The following GRXCR1 variants were observed in gnomAD, a reference collection of about 807,000 sequenced individuals.
GRXCR1 encodes glutaredoxin and cysteine rich domain containing 1.
A neutral mutation model predicts 27.3 loss-of-function variants in GRXCR1; 27 were observed. The ratio of observed to expected loss-of-function variants is 0.99; its 90% confidence interval spans 0.73 to 1.37. GRXCR1 has a LOEUF of 1.37. Among genes scored for constraint, GRXCR1 ranks in the 40% most tolerant of loss-of-function variants. GRXCR1 has a pLI of 0.00. For missense variants in GRXCR1, 379 were observed against 354.4 expected (o/e 1.07, Z -0.56); for synonymous variants, 122 against 131.1 (o/e 0.93, Z 0.47).
chr4:42,917,084 C>G (rs576781789), intron 1 of GRXCR1, among the ~76,000 whole-genome samples: 89 of 152,222 alleles, frequency 5.8e-4, no homozygotes, highest in Non-Finnish European at 8.1e-4. Flanking sequence ...AAAAAGAAGA[C>G]TGATATGAAG....
chr4:42,960,533 T>C (rs769950196), intron 1 of GRXCR1, among the ~76,000 whole-genome samples: 9 of 151,942 alleles, frequency 5.9e-5, no homozygotes, highest in Non-Finnish European at 1.0e-4. Context: ...ACTGATTTTT[T>C]CCACTGACTT....
intron 1 of GRXCR1, among the ~76,000 whole-genome samples, chr4:42,895,124 CTA>C (rs1746317948): frequency 6.6e-6 from 1 of 151,888 alleles, no homozygotes; most frequent in Non-Finnish European, 1.5e-5. Flanking sequence ...TTTCTTCTCC[CTA>C]TGTGTTTACT....
At chr4:43,006,292 T>C (rs1208720854) in intron 2 of GRXCR1, among the ~76,000 whole-genome samples, 2 of 152,128 alleles carry the variant, frequency 1.3e-5, no homozygotes, top group Non-Finnish European at 2.9e-5. Context: ...ATAAGAGCAA[T>C]TGTTCAGGGA....
rs766361572 is a variant in GRXCR1 at position 42,907,498 on chromosome 4, G to T, written c.384+13848G>T. On this transcript the variant is annotated intron_variant, in intron 1 of 3. Transcript: ENST00000399770. ...TCTACTCAATTAGGTGGCTCACATG[G>T]TTGCACTGTATTTTCAGTCCCTGTA... is the stretch of plus-strand genomic sequence containing the variant. Among the ~76,000 whole-genome samples the T allele has an allele frequency of 4.6e-5, 7 of 152,188 alleles. No homozygotes were observed. In the South Asian group the frequency reaches 1.5e-3, roughly 32 times the overall value.
chr4:42,981,286 T>C (rs1321081227), intron 2 of GRXCR1, among the ~76,000 whole-genome samples: 2 of 152,102 alleles, frequency 1.3e-5, no homozygotes, highest in African/African-American at 4.8e-5. Flanking sequence ...TATTTTAAAC[T>C]GAAAACAATT....
chr4:43,015,347 C>A (rs1231349541), intron 2 of GRXCR1, among the ~76,000 whole-genome samples: 1 of 151,820 alleles, frequency 6.6e-6, no homozygotes, highest in East Asian at 1.9e-4. Flanking sequence ...AAATAAATGG[C>A]AGGGAAGCAG....
At chr4:42,976,209 C>T (rs536333840) in intron 2 of GRXCR1, among the ~76,000 whole-genome samples, 9 of 152,008 alleles carry the variant, frequency 5.9e-5, no homozygotes, top group African/African-American at 1.9e-4. Flanking sequence ...AAGTATAAAG[C>T]GGTTCTGTTT....
chr4:42,981,002 G>A (rs146913039), intron 2 of GRXCR1, among the ~76,000 whole-genome samples: 25 of 150,926 alleles, frequency 1.7e-4, no homozygotes, highest in Non-Finnish European at 3.2e-4. Flanking sequence ...CTTTTTATTG[G>A]AGAATTGAAT....
intron 1 of GRXCR1, among the ~76,000 whole-genome samples, chr4:42,924,582 T>C (rs1747102494): frequency 6.6e-6 from 1 of 152,090 alleles, no homozygotes; most frequent in Non-Finnish European, 1.5e-5. Context: ...TCTTCTTTAC[T>C]TCTTTCCTTT....
intron 1 of GRXCR1, among the ~76,000 whole-genome samples, chr4:42,939,382 CA>C (rs1255888770): frequency 3.3e-5 from 5 of 152,136 alleles, no homozygotes; most frequent in Admixed American, 2.0e-4. Flanking sequence ...ATTTGTTTAT[CA>C]GTTCTTACCG....
chr4:42,906,362 G>A lies in GRXCR1; in HGVS notation c.384+12712G>A, dbSNP rs777269192. ...ACAGAAAGAAACTTCCCACCACAGC[G>A]CACTTGGCTTTATTTTTCTCTGCTG... On this transcript the variant is annotated intron_variant, in intron 1 of 3. Coordinates refer to ENST00000399770, the MANE Select transcript of GRXCR1 (RefSeq NM_001080476.3). Among the ~76,000 whole-genome samples, 7 of 152,206 alleles carry A rather than the reference G, an allele frequency of 4.6e-5. No homozygotes were observed. The East Asian group carries it at 5.8e-4, about 13-fold the overall frequency.
chr4:43,000,049 A>G (rs1233185847), intron 2 of GRXCR1, among the ~76,000 whole-genome samples: 1 of 152,228 alleles, frequency 6.6e-6, no homozygotes, highest in Non-Finnish European at 1.5e-5. Context: ...TAAGCAATTC[A>G]TAAATCTTAA....
chr4:42,978,166 T>C (rs1316859206), intron 2 of GRXCR1, among the ~76,000 whole-genome samples: 1 of 152,100 alleles, frequency 6.6e-6, no homozygotes, highest in Non-Finnish European at 1.5e-5. Context: ...TATGTATCAA[T>C]TTACTTGCCT....
chr4:42,949,552 T>C (rs1046393088), intron 1 of GRXCR1, among the ~76,000 whole-genome samples: 4 of 152,118 alleles, frequency 2.6e-5, no homozygotes, highest in African/African-American at 4.8e-5. Flanking sequence ...CTGACATTAG[T>C]CCTGTCACAT....
At chr4:42,939,463 T>C (rs1577913725) in intron 1 of GRXCR1, among the ~76,000 whole-genome samples, 1 of 152,204 alleles carries the variant, frequency 6.6e-6, no homozygotes, top group East Asian at 1.9e-4. Context: ...ATAATTTGAC[T>C]TCCTCCTTTC....
intron 2 of GRXCR1, among the ~76,000 whole-genome samples, chr4:42,990,154 T>C (rs1205372881): frequency 3.4e-5 from 5 of 148,450 alleles, no homozygotes; most frequent in Non-Finnish European, 6.0e-5. Flanking sequence ...GTGCAACTTC[T>C]TGAATTGAAT....
At chr4:42,991,314 G>T (rs960333825) in intron 2 of GRXCR1, among the ~76,000 whole-genome samples, 2 of 151,890 alleles carry the variant, frequency 1.3e-5, no homozygotes, top group South Asian at 2.1e-4. Flanking sequence ...TTAATAAATA[G>T]AACTTAACCC....
chr4:42,944,615 C>T (rs1384542865), intron 1 of GRXCR1, among the ~76,000 whole-genome samples: 4 of 152,038 alleles, frequency 2.6e-5, no homozygotes, highest in South Asian at 2.1e-4. Context: ...TATAAATCAC[C>T]TTGCTACAGA....
chr4:42,983,342 G>A (rs1432450484), intron 2 of GRXCR1, among the ~76,000 whole-genome samples: 6 of 145,598 alleles, frequency 4.1e-5, no homozygotes, highest in South Asian at 4.6e-4. Flanking sequence ...TTTTTCTCAG[G>A]TTTGTCAAAG....
Sources: allele counts gnomAD v4.1 joint callset (sites outside exome capture counted in the v4.1 genomes callset), GRCh38; gene constraint gnomAD v4.1.1; transcripts MANE v1.5; gene names NCBI Gene and HGNC (gene_info 2026-07-23, HGNC 2026-07-21).